The following WDR53 variants were observed in gnomAD, a reference collection of about 807,000 sequenced individuals.
The protein encoded by WDR53 is WD repeat-containing protein 53.
A neutral mutation model predicts 21.3 loss-of-function variants in WDR53; 19 were observed. The ratio of observed to expected loss-of-function variants is 0.89; its 90% CI spans 0.62 to 1.31. The LOEUF (loss-of-function observed/expected upper bound fraction) is 1.31, where lower values mean the gene tolerates loss of function less well. Ranked by LOEUF, WDR53 falls within the 50% of genes most tolerant of loss-of-function variation. The pLI, the probability that WDR53 is intolerant of heterozygous loss-of-function variation, is 0.00. For synonymous variants in WDR53, 157 were observed against 163.4 expected, an observed-to-expected ratio of 0.96 and a Z score of 0.30; for missense variants, 374 against 423.2, an observed-to-expected ratio of 0.88 and a Z score of 1.02.
intron 3 of WDR53, among the ~76,000 whole-genome samples, chr3:196,558,922 G>A (rs1325061750): frequency 6.6e-6 from 1 of 152,198 alleles, no homozygotes; most frequent in Non-Finnish European, 1.5e-5. Context: ...ATCAAAATAA[G>A]AAATTACCTG....
chr3:196,554,248 G>C lies in WDR53; in HGVS notation c.1040C>G (p.Thr347Ser). The C allele has an allele frequency of 6.2e-7, 1 of 1,613,600 alleles. No homozygotes were observed. Among genetic ancestry groups the C allele is most frequent in the Non-Finnish European group, 8.5e-7 (1 of 1,179,730 alleles). Residue 347 changes from threonine (T) to serine (S), a missense_variant, in exon 4 of 4, where the codon ACT becomes AGT. Physicochemically the swap from Thr to Ser is moderately conservative, Grantham distance 58. Coordinates refer to ENST00000332629, the MANE Select transcript of WDR53 (RefSeq NM_182627.3). ...TAAGGGGTATACAGATATACAACTA[G>C]TTTGATCAGCTACTAATATATTTTG... ...GHQNILVADQ[T>S]SCISVYPLNE...
chr3:196,558,734 T>A (rs1439317823), intron 3 of WDR53, among the ~76,000 whole-genome samples: 1 of 152,232 alleles, frequency 6.6e-6, no homozygotes, highest in East Asian at 1.9e-4. Context: ...CTGGCTATCC[T>A]TAAAGTTTAG....
chr3:196,554,597 A>C lies in WDR53; in HGVS notation c.691T>G (p.Cys231Gly). Reference protein sequence around the residue: ...VRIFRVMGVKCEQELGFKGHT... With the variant: ...VRIFRVMGVKGEQELGFKGHT... ...CCCTTAAATCCCAGTTCCTGTTCACACTTAACTCCCATCACCCGAAAGATT... is the reference window on the plus strand; with the variant it reads ...CCCTTAAATCCCAGTTCCTGTTCACCCTTAACTCCCATCACCCGAAAGATT... The change falls in exon 4 of 4, where the codon TGT becomes GGT. Residue 231 changes from cysteine to glycine, a missense_variant. Physicochemically the swap from Cys to Gly is radical, Grantham distance 159. Coordinates refer to ENST00000332629, the MANE Select transcript of WDR53 (RefSeq NM_182627.3). 6.2e-7 allele frequency: 1 copy of C among 1,614,084 alleles called. No homozygotes were observed. The highest frequency in any genetic ancestry group is 1.1e-5 in the South Asian group (1 of 91,078).
At chr3:196,557,164 G>A (rs928305043) in intron 3 of WDR53, among the ~76,000 whole-genome samples, 3 of 152,212 alleles carry the variant, frequency 2.0e-5, no homozygotes, top group African/African-American at 7.2e-5. Flanking sequence ...AGAAGTGAAT[G>A]TAATCATAAC....
intron 3 of WDR53, among the ~76,000 whole-genome samples, chr3:196,556,108 T>A (rs570260094): frequency 6.6e-6 from 1 of 152,114 alleles, no homozygotes; most frequent in African/African-American, 2.4e-5. Flanking sequence ...TGCAGTGGCA[T>A]GACCATGGCT....
At chr3:196,558,369 G>C (rs755940435) in intron 3 of WDR53, among the ~76,000 whole-genome samples, 4 of 151,858 alleles carry the variant, frequency 2.6e-5, no homozygotes, top group African/African-American at 4.8e-5. Context: ...AGCACACCTG[G>C]CTAATTTTCG....
chr3:196,560,851 A>T, intron 3 of WDR53, 145 bp downstream of exon 3: 1 of 1,002,194 alleles, frequency 1.0e-6, no homozygotes, highest in South Asian at 1.7e-5. Flanking sequence ...GACTAGCATT[A>T]AATGTAGAAA....
chr3:196,563,094 C>T (rs1434041033), intron 2 of WDR53, among the ~76,000 whole-genome samples: 1 of 152,204 alleles, frequency 6.6e-6, no homozygotes, highest in South Asian at 2.1e-4. Flanking sequence ...TTTCTAACAA[C>T]TCCACCTGAC....
chr3:196,554,450 T>A lies in WDR53; in HGVS notation c.838A>T (p.Ser280Cys). The A allele has an allele frequency of 1.2e-6, 2 of 1,614,158 alleles. No homozygotes were observed. The highest frequency in any genetic ancestry group is 1.3e-5 in the African/African-American group (1 of 75,046). The change falls in exon 4 of 4, where the codon AGT (serine) becomes TGT (cysteine). Residue 280 changes from serine (S) to cysteine (C), a missense_variant. By Grantham distance (112) the Ser-to-Cys change is moderately radical. Transcript: ENST00000332629. ...TTCCTGTGGGTACGTTTTGTGGGAC[T>A]CTTCTGTTTTTTCTCAACTTCACTG... ...ANSEVEKKQK[S>C]PTKRTHRKKP...
At chr3:196,564,228 A>T (rs1735153097) in intron 2 of WDR53, among the ~76,000 whole-genome samples, 1 of 152,130 alleles carries the variant, frequency 6.6e-6, no homozygotes, top group Admixed American at 6.5e-5. Context: ...AGTTCCAGAT[A>T]AACCTAGATT....
chr3:196,560,299 G>A (rs1252663130), intron 3 of WDR53, among the ~76,000 whole-genome samples: 2 of 150,196 alleles, frequency 1.3e-5, no homozygotes, highest in East Asian at 3.9e-4. Flanking sequence ...CAGGAGTGCA[G>A]TGGCATGATC....
In WDR53 at chr3:196,554,391, A is replaced by G. The variant is rs1440093853; in HGVS notation, c.897T>C (p.Gly299=). 6.2e-7 allele frequency: 1 copy of G among 1,614,050 alleles called. No individual in the cohort carries two copies. The highest frequency in any genetic ancestry group is 8.5e-7 in the Non-Finnish European group (1 of 1,180,018). The change falls in exon 4 of 4, where the codon GGT becomes GGC. Residue 299 remains glycine, a synonymous_variant. Coordinates refer to ENST00000332629, the MANE Select transcript of WDR53 (RefSeq NM_182627.3). ...CTGTTACTGAAGCGTTAGTATTTCC[A>G]CCCTGCTTGGTGCAAGTTCCTCTTT... The part of the protein sequence containing the change: ...KPKRGTCTKQ[G]GNTNASVTDE...
At chr3:196,560,235 CCTTT>C (rs1056254681) in intron 3 of WDR53, among the ~76,000 whole-genome samples, 4 of 145,284 alleles carry the variant, frequency 2.8e-5, no homozygotes, top group African/African-American at 1.0e-4. Context: ...TTGTGATGCT[CCTTT>C]CTTTTTTCTT....
chr3:196,555,802 A>C (rs1734266356), intron 3 of WDR53, among the ~76,000 whole-genome samples: 1 of 152,220 alleles, frequency 6.6e-6, no homozygotes, highest in Non-Finnish European at 1.5e-5. Context: ...TTGGTTTCCT[A>C]TTCAAGGTAA....
rs771201245 is a variant in WDR53, at chr3:196,561,223, C to G, written c.253G>C (p.Asp85His). ...TTCACATGAAAATGGTCCAAGGAAT[C>G]TTTGAGGGACCTGACATCCAGTACA... The part of the protein sequence containing the change: ...ISVLDVRSLK[D>H]SLDHFHVNEE... The change falls in exon 3 of 4, where the codon GAT (aspartate) becomes CAT (histidine). Residue 85 changes from aspartate (D) to histidine (H), a missense_variant. Coordinates refer to ENST00000332629, the MANE Select transcript of WDR53 (RefSeq NM_182627.3). The G allele has an allele frequency of 6.2e-7, 1 of 1,614,206 alleles. No individual in the cohort carries two copies. The highest frequency in any genetic ancestry group is 1.1e-5 in the South Asian group (1 of 91,086).
intron 2 of WDR53, among the ~76,000 whole-genome samples, chr3:196,566,579 A>G (rs1366200672): frequency 6.6e-6 from 1 of 151,468 alleles, no homozygotes; most frequent in Non-Finnish European, 1.5e-5. Context: ...ACGCCCGGTT[A>G]ATTTTTGTAT....
rs946062104 is a variant in WDR53, at chr3:196,567,201, G to T, written c.-341C>A. On this transcript the variant is annotated 5_prime_UTR_variant, in exon 2 of 4. Coordinates refer to ENST00000332629, the MANE Select transcript of WDR53 (RefSeq NM_182627.3). ...GTGAGAGACAGTCACCATCACCAGA[G>T]TCAGCACAGGTCAACTTTTCTCTAC... 3 of 457,174 alleles carry T rather than the reference G, an allele frequency of 6.6e-6. No individual in the cohort carries two copies. The highest frequency in any genetic ancestry group is 1.3e-5 in the Non-Finnish European group (3 of 227,070). 28.3% of individuals were successfully genotyped at this position (457,174 alleles called of 1,614,324 possible).
At chr3:196,559,982 C>T (rs1734671533) in intron 3 of WDR53, among the ~76,000 whole-genome samples, 1 of 152,204 alleles carries the variant, frequency 6.6e-6, no homozygotes, top group Admixed American at 6.5e-5. Flanking sequence ...ATCATGACGA[C>T]TCACTCCAGT....
chr3:196,557,141 C>T (rs966402257), intron 3 of WDR53, among the ~76,000 whole-genome samples: 2 of 152,186 alleles, frequency 1.3e-5, no homozygotes, highest in Non-Finnish European at 2.9e-5. Context: ...AAGTGGGGAA[C>T]CAGCAAATGT....
Sources: allele counts gnomAD v4.1 joint callset (sites outside exome capture counted in the v4.1 genomes callset), GRCh38; gene constraint gnomAD v4.1.1; transcripts MANE v1.5; gene names NCBI Gene and HGNC (gene_info 2026-07-23, HGNC 2026-07-21).